Variants in LHFPL3 observed in about 807,000 individuals in gnomAD.
LHFPL3 encodes LHFPL tetraspan subfamily member 3.
Under a neutral mutation model 19.3 loss-of-function variants are expected in LHFPL3, and 5 were observed. That is an observed-to-expected ratio of 0.26 (90% CI 0.14 to 0.54). LHFPL3 has a LOEUF of 0.54. LHFPL3 is among the 20% of genes least tolerant of loss of function. LHFPL3 has a pLI of 0.94. For synonymous variants in LHFPL3, 133 were observed against 126.2 expected, an observed-to-expected ratio of 1.05 and a Z score of -0.36; for missense variants, 249 against 307.4, an observed-to-expected ratio of 0.81 and a Z score of 1.42.
intron 1 of LHFPL3, among the ~76,000 whole-genome samples, chr7:104,680,495 T>A (rs1253505852): frequency 6.6e-6 from 1 of 152,034 alleles, no homozygotes; most frequent in Non-Finnish European, 1.5e-5. Context: ...GGGGGTAACT[T>A]TTACCGCCCA....
In LHFPL3 at chr7:104,630,879, C is replaced by G. The variant is rs77839033; in HGVS notation, c.446-105796C>G. Among the ~76,000 whole-genome samples the G allele has an allele frequency of 4.4e-3, 670 of 152,088 alleles. 34 individuals are homozygous for G. In the East Asian group the frequency reaches 0.099, roughly 22 times the overall value. On this transcript the variant is annotated intron_variant, in intron 1 of 2. Coordinates refer to ENST00000424859, the MANE Select transcript of LHFPL3 (RefSeq NM_199000.3). ...ACCCTTAGGGCTCAGTTTGAGTGTC[C>G]AAGGAAGAGCTGTCCACACCCACCC...
intron 1 of LHFPL3, among the ~76,000 whole-genome samples, chr7:104,437,215 T>C (rs73179937): frequency 0.069 from 10,517 of 152,290 alleles, 378 homozygotes; most frequent in Middle Eastern, 0.11. Context: ...GGTAAAACAA[T>C]TTTTATAGTT....
intron 1 of LHFPL3, among the ~76,000 whole-genome samples, chr7:104,337,183 AAAC>A (rs573646627): frequency 5.3e-5 from 8 of 152,002 alleles, no homozygotes; most frequent in South Asian, 2.1e-4. Flanking sequence ...TAAAACAAAC[AAAC>A]AACAACAACA....
chr7:104,668,709 G>A (rs1035305360), intron 1 of LHFPL3: 33 of 1,594,642 alleles, frequency 2.1e-5, no homozygotes, highest in Non-Finnish European at 2.8e-5. Flanking sequence ...TAGGCGTGAT[G>A]ATAGAGGTCC....
chr7:104,531,529 T>G (rs1036823703), intron 1 of LHFPL3, among the ~76,000 whole-genome samples: 4 of 152,250 alleles, frequency 2.6e-5, no homozygotes, highest in Non-Finnish European at 4.4e-5. Context: ...AAAAGGCAAT[T>G]CTTTTACTGT....
At chr7:104,470,264 C>G (rs1289582784) in intron 1 of LHFPL3, among the ~76,000 whole-genome samples, 1 of 152,136 alleles carries the variant, frequency 6.6e-6, no homozygotes, top group African/African-American at 2.4e-5. Context: ...TAATTCTATT[C>G]CACTTCTCTC....
intron 1 of LHFPL3, among the ~76,000 whole-genome samples, chr7:104,619,850 A>G (rs1235722709): frequency 6.6e-6 from 1 of 152,078 alleles, no homozygotes; most frequent in East Asian, 1.9e-4. Context: ...TATTCCACAG[A>G]TGGGGCAGGT....
intron 1 of LHFPL3, among the ~76,000 whole-genome samples, chr7:104,563,870 G>C (rs898990543): frequency 6.6e-6 from 1 of 152,168 alleles, no homozygotes; most frequent in African/African-American, 2.4e-5. Context: ...GAACAGACAA[G>C]GACAGCTGGA....
chr7:104,390,831 C>T (rs1791051152), intron 1 of LHFPL3, among the ~76,000 whole-genome samples: 1 of 152,170 alleles, frequency 6.6e-6, no homozygotes, highest in Non-Finnish European at 1.5e-5. Flanking sequence ...TTCTCCACAT[C>T]CTCTCCAGCA....
chr7:104,334,295 G>C (rs1963293), intron 1 of LHFPL3, among the ~76,000 whole-genome samples: 65,072 of 152,038 alleles, frequency 0.43, 15,003 homozygotes, highest in African/African-American at 0.59. Flanking sequence ...ACCTGTAATC[G>C]CAGCACTTTG....
At chr7:104,705,326 C>G (rs1793171519) in intron 1 of LHFPL3, among the ~76,000 whole-genome samples, 1 of 152,074 alleles carries the variant, frequency 6.6e-6, no homozygotes, top group African/African-American at 2.4e-5. Flanking sequence ...TCTTTTTCCT[C>G]ATTTCCTTGG....
chr7:104,519,996 G>A (rs905980009), intron 1 of LHFPL3, among the ~76,000 whole-genome samples: 4 of 151,990 alleles, frequency 2.6e-5, no homozygotes, highest in African/African-American at 7.3e-5. Flanking sequence ...GAAAATTAGT[G>A]GTGAGAAAGG....
intron 1 of LHFPL3, among the ~76,000 whole-genome samples, chr7:104,379,821 A>G (rs1463632418): frequency 6.6e-6 from 1 of 152,228 alleles, no homozygotes; most frequent in African/African-American, 2.4e-5. Flanking sequence ...GGCTGGAGCC[A>G]CAGCCTGGGA....
At chr7:104,612,048 A>G (rs1259119485) in intron 1 of LHFPL3, among the ~76,000 whole-genome samples, 3 of 152,216 alleles carry the variant, frequency 2.0e-5, no homozygotes, top group African/African-American at 7.2e-5. Flanking sequence ...TATCACAACA[A>G]CTACTCTTCC....
intron 1 of LHFPL3, among the ~76,000 whole-genome samples, chr7:104,457,550 T>C (rs1425864896): frequency 6.6e-6 from 1 of 151,146 alleles, no homozygotes; most frequent in African/African-American, 2.4e-5. Context: ...GTCTTTGCTA[T>C]TGTGAATAGT....
chr7:104,475,898 A>AT lies in LHFPL3; in HGVS notation c.445+146681dup, dbSNP rs547799397. Reference sequence around the variant, plus strand: ...ATAACATAAAATTTATCAAACGATGATTTTTTTACTAGCAATTGTTTAGCC... The same window carrying AT: ...ATAACATAAAATTTATCAAACGATGATTTTTTTTACTAGCAATTGTTTAGCC... On this transcript the variant is annotated intron_variant, in intron 1 of 2. Transcript: ENST00000424859. Among the ~76,000 whole-genome samples the AT allele has an allele frequency of 6.7e-4, 102 of 152,278 alleles. No individual in the cohort carries two copies. The South Asian group carries it at 0.019, about 29-fold the overall frequency.
chr7:104,666,827 A>C (rs1792363750), intron 1 of LHFPL3, among the ~76,000 whole-genome samples: 2 of 151,712 alleles, frequency 1.3e-5, no homozygotes, highest in Admixed American at 6.6e-5. Flanking sequence ...GCCCAGCCTC[A>C]TTCTTTTTTT....
At chr7:104,745,873 A>T (rs1794036963) in intron 2 of LHFPL3, among the ~76,000 whole-genome samples, 1 of 152,230 alleles carries the variant, frequency 6.6e-6, no homozygotes, top group Admixed American at 6.5e-5. Flanking sequence ...CATATGCTTC[A>T]GCTACTAAGG....
intron 2 of LHFPL3, among the ~76,000 whole-genome samples, chr7:104,775,362 C>T (rs1688923984): frequency 6.6e-6 from 1 of 152,208 alleles, no homozygotes; most frequent in African/African-American, 2.4e-5. Context: ...CACCACTGCA[C>T]TCTAGCCTGG....
Sources: allele counts gnomAD v4.1 joint callset (sites outside exome capture counted in the v4.1 genomes callset), GRCh38; gene constraint gnomAD v4.1.1; transcripts MANE v1.5; gene names NCBI Gene and HGNC (gene_info 2026-07-23, HGNC 2026-07-21).